The following UBXN8 variants were observed in gnomAD, a reference collection of about 807,000 sequenced individuals.
UBXN8 encodes UBX domain-containing protein 8.
In UBXN8, 27 loss-of-function variants were observed where a neutral mutation model predicts 32.1. The observed-to-expected ratio is 0.84, with a 90% CI of 0.62 to 1.16. The LOEUF (loss-of-function observed/expected upper bound fraction) is 1.16. UBXN8 is among the 50% of genes most tolerant of loss of function. The pLI is 0.00. For synonymous variants in UBXN8, 109 were observed against 111.8 expected (o/e 0.98, Z 0.16); for missense variants, 306 against 311.4 (o/e 0.98, Z 0.13).
Position 30,734,542 on chromosome 8 carries a change from C to T in UBXN8, c.622+1234C>T, listed in dbSNP as rs1805034145. ...GGGTAAGGTGAAAGGATCACTTGAG[C>T]CCAGGAATTCAAGGTTACAGTGAGC... On this transcript the variant is annotated intron_variant, in intron 1 of 1. Coordinates refer to the UBXN8 transcript ENST00000522968. Among the ~76,000 whole-genome samples the T allele has an allele frequency of 2.6e-5, 4 of 152,030 alleles. No homozygotes were observed. In the South Asian group the frequency reaches 8.3e-4, roughly 32 times the overall value.
At chr8:30,764,372 G>A (rs1488014802) in intron 7 of UBXN8, among the ~76,000 whole-genome samples, 6 of 152,178 alleles carry the variant, frequency 3.9e-5, no homozygotes, top group Non-Finnish European at 7.3e-5. Context: ...GTTTTGCCAT[G>A]TTGGCCAGGC....
At chr8:30,764,985 G>T (rs1380526010) in intron 7 of UBXN8, among the ~76,000 whole-genome samples, 1 of 152,198 alleles carries the variant, frequency 6.6e-6, no homozygotes, top group Non-Finnish European at 1.5e-5. Context: ...AGGAGGCAGA[G>T]GTTGCAGTGA....
rs1431908583 is a variant in UBXN8, at chr8:30,744,278, G to A, written c.88+1G>A. 10 of 1,613,154 alleles carry A rather than the reference G, an allele frequency of 6.2e-6. No individual in the cohort carries two copies. The East Asian group carries it at 1.1e-4, about 18-fold the overall frequency. Reference sequence around the variant, plus strand: ...CTCCGGCGTGGGATCCCGGATATAGGTAAGTGTGACTTTTTCCCTTCGACA... The same window carrying A: ...CTCCGGCGTGGGATCCCGGATATAGATAAGTGTGACTTTTTCCCTTCGACA... On this transcript the variant is annotated splice_donor_variant, in intron 1 of 7. Coordinates refer to ENST00000265616, the MANE Select transcript of UBXN8 (RefSeq NM_005671.4). LOFTEE classifies it high-confidence loss of function.
upstream of UBXN8, among the ~76,000 whole-genome samples, chr8:30,741,713 G>C (rs1269812212): frequency 2.0e-5 from 3 of 152,126 alleles, no homozygotes; most frequent in Non-Finnish European, 4.4e-5. Flanking sequence ...GCTTCCCAAA[G>C]TGCTGGGATT....
At chr8:30,735,558 G>A (rs1364562425) in intron 1 of UBXN8, among the ~76,000 whole-genome samples, 1 of 152,034 alleles carries the variant, frequency 6.6e-6, no homozygotes, top group Non-Finnish European at 1.5e-5. Context: ...AAAAAACAAC[G>A]CCGAGCTCAG....
rs1036737601 is a variant in UBXN8 at position 30,756,674 on chromosome 8, G to A, written c.406-91G>A. 3.2e-6 allele frequency: 5 copies of A among 1,551,656 alleles called. No individual in the cohort carries two copies. In the African/African-American group the frequency reaches 5.5e-5, roughly 17 times the overall value. On this transcript the variant is annotated intron_variant, in intron 4 of 7. Coordinates refer to ENST00000265616, the MANE Select transcript of UBXN8 (RefSeq NM_005671.4). The stretch of plus-strand genomic sequence containing the variant: ...ATATTTTTCTACTGATATGCCATCA[G>A]GGTAAAAAAAGGAAAAAGGAAAAAC...
rs1805521441 is a variant in UBXN8, at chr8:30,751,475, C to T, written c.168C>T (p.Thr56=). 1 of 1,611,056 alleles carries T rather than the reference C, an allele frequency of 6.2e-7. No homozygotes were observed. The highest frequency in any genetic ancestry group is 1.3e-5 in the African/African-American group (1 of 74,856). The stretch of plus-strand genomic sequence containing the variant: ...TTACTTTAACTATTTCTGTGACTAC[C>T]TCATGGCTTAACTCATTTAAATCTC... The part of the protein sequence containing the change: ...ALLTLTISVT[T]SWLNSFKSPQ... The change falls in exon 2 of 8, where the codon ACC becomes ACT. Residue 56 remains threonine (T), a synonymous_variant. Transcript: ENST00000265616.
At chr8:30,746,609 G>A (rs1400670345) in intron 1 of UBXN8, among the ~76,000 whole-genome samples, 3 of 133,402 alleles carry the variant, frequency 2.2e-5, no homozygotes, top group African/African-American at 9.0e-5. Context: ...TGCAACTTCC[G>A]CCTTCTGGGT....
At chr8:30,741,083 T>C (rs1011643699), upstream of UBXN8, among the ~76,000 whole-genome samples, 2 of 152,172 alleles carry the variant, frequency 1.3e-5, no homozygotes, top group Admixed American at 1.3e-4. Context: ...AATCTCCATA[T>C]TGAAAAGACC....
In UBXN8 at chr8:30,746,029, G is replaced by A. The variant is rs973763918; in HGVS notation, c.88+1752G>A. Among the ~76,000 whole-genome samples the A allele has an allele frequency of 2.0e-5, 3 of 152,336 alleles. No homozygotes were observed. In the East Asian group the frequency reaches 5.8e-4, roughly 29 times the overall value. On this transcript the variant is annotated intron_variant, in intron 1 of 7. Coordinates refer to ENST00000265616, the MANE Select transcript of UBXN8 (RefSeq NM_005671.4). ...GCCACCCAGAGTGCTGGGATTATAG[G>A]TGTGAGCCACCGTGCCCAGCCAGAA...
intron 5 of UBXN8, among the ~76,000 whole-genome samples, chr8:30,759,968 TAAATA>T (rs149333500): frequency 0.14 from 19,637 of 141,498 alleles, 2,396 homozygotes; most frequent in African/African-American, 0.33. Context: ...GAAAAATAAA[TAAATA>T]AAATAAAATA....
chr8:30,732,658 A>C (rs1804991495), exon 1 of UBXN8: 1 of 175,282 alleles, frequency 5.7e-6, no homozygotes, highest in Non-Finnish European at 1.2e-5. Flanking sequence ...CCCTGGGGCT[A>C]CCCGATCTGA....
rs375716737 is a variant in UBXN8 at position 30,760,871 on chromosome 8, C to A, written c.529-17C>A. On this transcript the variant is annotated splice_polypyrimidine_tract_variant and intron_variant, in intron 5 of 7. Transcript: ENST00000265616. Reference sequence around the variant, plus strand: ...GTTGAACATGTTTACATTCCTCTTACCAATACTTTTCTTTAGATTCCTGAT... The same window carrying A: ...GTTGAACATGTTTACATTCCTCTTAACAATACTTTTCTTTAGATTCCTGAT... 2.8e-5 allele frequency: 43 copies of A among 1,514,696 alleles called. No homozygotes were observed. In the African/African-American group the frequency reaches 6.0e-4, roughly 21 times the overall value. The allele number at this position is 1,514,696 out of a possible 1,614,324, so 93.8% of individuals were successfully genotyped here.
chr8:30,760,443 A>ATATATATT (rs1196366158), intron 5 of UBXN8, among the ~76,000 whole-genome samples: 80 of 91,090 alleles, frequency 8.8e-4, no homozygotes, highest in Middle Eastern at 8.5e-3. Flanking sequence ...ATATATATAT[A>ATATATATT]TTTTTTTTTT....
upstream of UBXN8, chr8:30,744,147 G>A (rs1805288209): frequency 1.3e-6 from 2 of 1,589,456 alleles, no homozygotes; most frequent in East Asian, 4.5e-5. Flanking sequence ...AAACGCGGCC[G>A]GAAGGGGCGG....
chr8:30,752,464 C>T (rs1159300180), intron 2 of UBXN8, among the ~76,000 whole-genome samples: 1 of 152,090 alleles, frequency 6.6e-6, no homozygotes, highest in African/African-American at 2.4e-5. Context: ...TGTACCACTG[C>T]ACCTGGCTAA....
intron 5 of UBXN8, 60 bp downstream of exon 5, chr8:30,756,947 T>C: frequency 6.3e-7 from 1 of 1,598,144 alleles, no homozygotes; most frequent in Non-Finnish European, 8.5e-7. Context: ...TATTGAACTC[T>C]GGGTGAGGTG....
Position 30,763,308 on chromosome 8 carries a change from T to C in UBXN8, c.606T>C (p.Asn202=). Residue 202 remains asparagine (N), a synonymous_variant, in exon 7 of 8, where the codon AAT becomes AAC. Transcript: ENST00000265616. ...TTGCTCTCCGATGTCCCAGTGGGAA[T>C]GTCCTGAGGAGAAGGTTTTTGAAGT... ...VTVALRCPSG[N]VLRRRFLKSY... 6.2e-7 allele frequency: 1 copy of C among 1,613,884 alleles called. No homozygotes were observed. Among genetic ancestry groups the C allele is most frequent in the Non-Finnish European group, 8.5e-7 (1 of 1,179,732 alleles).
intron 1 of UBXN8, among the ~76,000 whole-genome samples, chr8:30,750,350 T>G (rs1011637322): frequency 6.6e-6 from 1 of 152,152 alleles, no homozygotes; most frequent in African/African-American, 2.4e-5. Flanking sequence ...TACGTGCCTG[T>G]AGTCCCAGCT....
Sources: gnomAD v4.1 joint callset for allele counts (sites outside exome capture counted in the v4.1 genomes callset) on GRCh38, gnomAD v4.1.1 for gene constraint, MANE v1.5 for transcripts, NCBI Gene and HGNC (gene_info 2026-07-23, HGNC 2026-07-21) for gene names.